Variants in ASPG observed in about 807,000 individuals in gnomAD.
ASPG encodes the protein asparaginase.
In ASPG, 53 loss-of-function variants were observed where a neutral mutation model predicts 63.2. The ratio of observed to expected loss-of-function variants is 0.84; its 90% CI spans 0.67 to 1.05. The LOEUF is 1.05. ASPG is among the 50% of genes least tolerant of loss of function. The pLI is 0.00. For synonymous variants in ASPG, 370 were observed against 355.0 expected (o/e 1.04, Z -0.48); for missense variants, 741 against 794.4 (o/e 0.93, Z 0.81).
chr14:104,105,701 C>T (rs1171596107), intron 10 of ASPG, among the ~76,000 whole-genome samples: 2 of 152,196 alleles, frequency 1.3e-5, no homozygotes, highest in African/African-American at 4.8e-5. Context: ...TGACTGGCGG[C>T]GCTGCCTTAG....
In ASPG at chr14:104,109,769, T is replaced by G. The variant is rs1321062199; in HGVS notation, c.1520+454T>G. On this transcript the variant is annotated intron_variant, in intron 13 of 15. Transcript: ENST00000551177. The surrounding 1 kb of genome is among the most constrained non-coding windows in gnomAD (Gnocchi z 4.8). ...AGGTGACAGGTCTCGTGAGCTCTGT[T>G]CTCCCCAGCGTGGTTCCTGTCCTGG... is the stretch of plus-strand genomic sequence containing the variant. 6.6e-6 allele frequency among the ~76,000 whole-genome samples: 1 copy of G among 151,746 alleles called. No individual in the cohort carries two copies. Among genetic ancestry groups the G allele is most frequent in the Non-Finnish European group, 1.5e-5 (1 of 67,944 alleles).
intron 12 of ASPG, among the ~76,000 whole-genome samples, chr14:104,107,709 C>T (rs2037198986): frequency 6.6e-6 from 1 of 152,182 alleles, no homozygotes; most frequent in Non-Finnish European, 1.5e-5. Context: ...GAGGACAGGC[C>T]CAGCCTGTGC....
chr14:104,112,828 C>CG lies in ASPG; in HGVS notation c.*289dup, dbSNP rs1596119058. Reference sequence around the variant, plus strand: ...GCGGGGGTCACTTGGCCCATCCTTCCGGGGGCAGCTGTGCGTGTGAGCTGG... The same window carrying CG: ...GCGGGGGTCACTTGGCCCATCCTTCCGGGGGGCAGCTGTGCGTGTGAGCTGG... On this transcript the variant is annotated 3_prime_UTR_variant, in exon 16 of 16. Transcript: ENST00000551177. 1 of 553,910 alleles carries CG rather than the reference C, an allele frequency of 1.8e-6. No homozygotes were observed. Among genetic ancestry groups the CG allele is most frequent in the East Asian group, 3.6e-5 (1 of 27,978 alleles). The allele number at this position is 553,910 out of a possible 1,614,324, so 34.3% of individuals were successfully genotyped here. A position where few individuals can be genotyped will look rare whatever the true frequency, so the allele number is the denominator to read the frequency against.
At position 104,109,826 on chromosome 14, in the gene ASPG, C is replaced by T. The variant is rs2037310938; in HGVS notation, c.1520+511C>T. 6.6e-6 allele frequency among the ~76,000 whole-genome samples: 1 copy of T among 152,134 alleles called. No individual in the cohort carries two copies. On this transcript the variant is annotated intron_variant, in intron 13 of 15. Coordinates refer to ENST00000551177, the MANE Select transcript of ASPG (RefSeq NM_001080464.3). The surrounding 1 kb of genome is among the most constrained non-coding windows in gnomAD (Gnocchi z 4.8). ...CTGACCTAGGCCCCGCCTCCACCTG[C>T]TGGCCGCATGGCACCAGTGGCCAGT... is the stretch of plus-strand genomic sequence containing the variant.
chr14:104,105,312 C>T lies in ASPG; in HGVS notation c.1051-16C>T. ...CAGCCCTGGCAGAGCCACTTCACCTCTGTTCTCTCCACCAGCTGCTGACCA... is the reference window on the plus strand; with the variant it reads ...CAGCCCTGGCAGAGCCACTTCACCTTTGTTCTCTCCACCAGCTGCTGACCA... On this transcript the variant is annotated splice_polypyrimidine_tract_variant and intron_variant, in intron 9 of 15. Transcript: ENST00000551177. 6.2e-7 allele frequency: 1 copy of T among 1,612,610 alleles called. No individual in the cohort carries two copies. The highest frequency in any genetic ancestry group is 8.5e-7 in the Non-Finnish European group (1 of 1,179,746).
chr14:104,097,462 G>T, intron 4 of ASPG, 92 bp from the exon 5 acceptor site: 1 of 1,286,756 alleles, frequency 7.8e-7, no homozygotes, highest in East Asian at 2.6e-5. Context: ...GGGCTCCTGG[G>T]CTGGGCCTGG....
chr14:104,108,346 C>T (rs1006455746), intron 12 of ASPG: 30 of 933,364 alleles, frequency 3.2e-5, no homozygotes, highest in South Asian at 1.5e-4. Flanking sequence ...GGGTGGGTGG[C>T]GCGGAGACGA....
At position 104,098,909 on chromosome 14, in the gene ASPG, C is replaced by T. The variant is rs200662335; in HGVS notation, c.570C>T (p.Asp190=). ...LFRGNRATKV[D]ARRFAAFCSP... ...GGGGCAACCGGGCAACCAAGGTAGA[C>T]GCTCGGAGGTTCGCAGCTTTCTGCT... is the stretch of plus-strand genomic sequence containing the variant. The change falls in exon 6 of 16, where the codon GAC becomes GAT. Residue 190 remains aspartate, a synonymous_variant. Coordinates refer to ENST00000551177, the MANE Select transcript of ASPG (RefSeq NM_001080464.3). The T allele has an allele frequency of 7.2e-5, 116 of 1,611,686 alleles. No homozygotes were observed. The African/African-American group carries it at 1.2e-3, about 17-fold the overall frequency.
At position 104,111,543 on chromosome 14, in the gene ASPG, G is replaced by A. The variant is rs1040520736; in HGVS notation, c.1562G>A (p.Trp521Ter). 2 of 1,552,126 alleles carry A rather than the reference G, an allele frequency of 1.3e-6. No individual in the cohort carries two copies. Among genetic ancestry groups the A allele is most frequent in the Non-Finnish European group, 8.7e-7 (1 of 1,147,872 alleles). ...RADLEGLQVW[W>*]QAGADLGQPG... ...GACCTCGAAGGCCTGCAGGTGTGGT[G>A]GCAGGCAGGGGCTGACCTGGGGCAG... is the stretch of plus-strand genomic sequence containing the variant. The change falls in exon 14 of 16, where the codon TGG (tryptophan) becomes TAG (stop). Residue 521 changes from tryptophan (W) to a stop codon, truncating the protein, a stop_gained. Coordinates refer to ENST00000551177, the MANE Select transcript of ASPG (RefSeq NM_001080464.3). LOFTEE classifies it high-confidence loss of function.
intron 1 of ASPG, among the ~76,000 whole-genome samples, chr14:104,090,121 G>A (rs2036325736): frequency 6.6e-6 from 1 of 152,166 alleles, no homozygotes; most frequent in Non-Finnish European, 1.5e-5. Flanking sequence ...AGCACATATG[G>A]AGTGTTTTGC....
In ASPG at chr14:104,112,584, C is replaced by G; in HGVS notation, c.*40C>G. On this transcript the variant is annotated 3_prime_UTR_variant, in exon 16 of 16. Transcript: ENST00000551177. ...GCTGCAGTATAAGCCATTCCTTCCT[C>G]CCATGACCTGCTGGAGGGGTCTCAG... 1 of 1,606,006 alleles carries G rather than the reference C, an allele frequency of 6.2e-7. No individual in the cohort carries two copies. Among genetic ancestry groups the G allele is most frequent in the Non-Finnish European group, 8.5e-7 (1 of 1,177,890 alleles).
At chr14:104,092,390 C>T (rs139926648) in intron 1 of ASPG, among the ~76,000 whole-genome samples, 2,030 of 152,286 alleles carry the variant, frequency 0.013, 12 homozygotes, top group Middle Eastern at 0.017. Flanking sequence ...CTCCTGGGGC[C>T]GTCCAGGTGC....
At position 104,110,796 on chromosome 14, in the gene ASPG, G is replaced by A. The variant is rs1744304; in HGVS notation, c.1521-706G>A. 0.061 allele frequency: 60,172 copies of A among 985,178 alleles called. 3,721 individuals carry two copies. Among genetic ancestry groups the A allele is most frequent in the East Asian group, 0.35 (3,094 of 8,784 alleles). The allele number at this position is 985,178 out of a possible 1,614,324, so 61.0% of individuals were successfully genotyped here. On this transcript the variant is annotated intron_variant, in intron 13 of 15. Coordinates refer to ENST00000551177, the MANE Select transcript of ASPG (RefSeq NM_001080464.3). The surrounding 1 kb of genome is among the most constrained non-coding windows in gnomAD (Gnocchi z 4.7). ...GGGTGGGTGGAGCCTTCCCTGCCGG[G>A]TCCCCACCTGGCCTGCTCCTGGCCT...
chr14:104,107,589 G>C (rs569957693), intron 12 of ASPG, among the ~76,000 whole-genome samples: 1 of 152,296 alleles, frequency 6.6e-6, no homozygotes, highest in South Asian at 2.1e-4. Flanking sequence ...GGTATGGGGG[G>C]CTGGGGTGGA....
In ASPG at chr14:104,110,105, G is replaced by C; in HGVS notation, c.1520+790G>C. The stretch of plus-strand genomic sequence containing the variant: ...AGCCTGGGCTGCCCGAGGCCAGGAC[G>C]ACTCCGAGGGACCCAAAAAGGAGAG... On this transcript the variant is annotated intron_variant, in intron 13 of 15. Coordinates refer to ENST00000551177, the MANE Select transcript of ASPG (RefSeq NM_001080464.3). This position sits in a 1 kb window ranked among gnomAD's most constrained non-coding sequence, Gnocchi z 4.7. The C allele has an allele frequency of 3.0e-6, 3 of 985,352 alleles. No homozygotes were observed. The highest frequency in any genetic ancestry group is 3.6e-6 in the Non-Finnish European group (3 of 829,918). The allele number at this position is 985,352 out of a possible 1,614,324, so 61.0% of individuals were successfully genotyped here. A position where few individuals can be genotyped will look rare whatever the true frequency, so the allele number is the denominator to read the frequency against.
At chr14:104,108,465 G>A (rs949596739) in intron 12 of ASPG, 9 of 985,330 alleles carry the variant, frequency 9.1e-6, no homozygotes, top group African/African-American at 7.0e-5. Flanking sequence ...CCCTGAGGCC[G>A]CCTGCCTGGC....
chr14:104,106,082 G>C (rs2037115637), intron 10 of ASPG, among the ~76,000 whole-genome samples: 1 of 152,248 alleles, frequency 6.6e-6, no homozygotes, highest in Admixed American at 6.5e-5. Flanking sequence ...CCTGTCTTGT[G>C]AGCCATGTGC....
At position 104,104,342 on chromosome 14, in the gene ASPG, C is replaced by A; in HGVS notation, c.792C>A (p.Val264=). The part of the protein sequence containing the change: ...AFLQPPLKGV[V]METFGSGNGP... ...TGCAGCCTCCCCTGAAGGGCGTGGT[C>A]ATGGAGACCTTCGGTTCAGGGAACG... The change falls in exon 8 of 16, where the codon GTC becomes GTA. Residue 264 remains valine (V), a synonymous_variant. Coordinates refer to ENST00000551177, the MANE Select transcript of ASPG (RefSeq NM_001080464.3). 1 of 1,612,514 alleles carries A rather than the reference C, an allele frequency of 6.2e-7. No individual in the cohort carries two copies. The highest frequency in any genetic ancestry group is 8.5e-7 in the Non-Finnish European group (1 of 1,179,774).
intron 4 of ASPG, among the ~76,000 whole-genome samples, chr14:104,096,766 G>A (rs2036613820): frequency 6.6e-6 from 1 of 152,144 alleles, no homozygotes; most frequent in Non-Finnish European, 1.5e-5. Flanking sequence ...TACAGGCTAG[G>A]GGCTCACCCA....
Sources: gnomAD v4.1 joint callset for allele counts (sites outside exome capture counted in the v4.1 genomes callset) on GRCh38, gnomAD v4.1.1 for gene constraint, Gnocchi (gnomAD v3.1) non-coding constraint, MANE v1.5 for transcripts, NCBI Gene and HGNC (gene_info 2026-07-23, HGNC 2026-07-21) for gene names.